Variants in ADGRV1 observed in about 807,000 individuals in gnomAD.
ADGRV1 encodes G-protein coupled receptor 98.
In ADGRV1, 359 loss-of-function variants were observed where a neutral mutation model predicts 596.2. That is an observed-to-expected ratio of 0.60 (90% confidence interval 0.55 to 0.66). ADGRV1 has a LOEUF of 0.66. ADGRV1 is among the 30% of genes least tolerant of loss of function. ADGRV1 has a pLI of 0.00. For missense variants in ADGRV1, 7,274 were observed against 7,575.6 expected, an observed-to-expected ratio of 0.96 and a Z score of 1.48; for synonymous variants, 2,681 against 2,679.2, an observed-to-expected ratio of 1.00 and a Z score of -0.02.
chr5:90,793,059 T>C (rs1760256725), intron 70 of ADGRV1: 1 of 152,240 alleles, frequency 6.6e-6, no homozygotes, highest in Non-Finnish European at 1.5e-5. Context: ...ATCAACATTA[T>C]ATGAAACAGC....
intron 83 of ADGRV1, among the ~76,000 whole-genome samples, chr5:90,948,033 C>T (rs903802162): frequency 2.0e-5 from 3 of 151,992 alleles, no homozygotes; most frequent in Admixed American, 6.6e-5. Context: ...TACAAAGGTG[C>T]TTGAGCAGAA....
chr5:90,633,902 A>G (rs1765816408), intron 9 of ADGRV1, among the ~76,000 whole-genome samples: 1 of 152,136 alleles, frequency 6.6e-6, no homozygotes, highest in African/African-American at 2.4e-5. Context: ...AAAGACATTT[A>G]CTTTTACTAT....
At chr5:90,830,940 A>G (rs1764468061) in intron 77 of ADGRV1, among the ~76,000 whole-genome samples, 1 of 152,094 alleles carries the variant, frequency 6.6e-6, no homozygotes, top group African/African-American at 2.4e-5. Flanking sequence ...TTTAAGTAAG[A>G]GAGAATTTTT....
At chr5:90,908,103 C>T (rs938979855) in intron 83 of ADGRV1, among the ~76,000 whole-genome samples, 8 of 152,092 alleles carry the variant, frequency 5.3e-5, no homozygotes, top group Non-Finnish European at 8.8e-5. Context: ...TGCCCACCTC[C>T]GCCTCCCAAA....
At chr5:90,688,240 C>T (rs969303892) in intron 29 of ADGRV1, among the ~76,000 whole-genome samples, 3 of 152,064 alleles carry the variant, frequency 2.0e-5, no homozygotes, top group African/African-American at 4.8e-5. Flanking sequence ...GAAATAACGC[C>T]GCATATCTAC....
At chr5:91,030,994 A>G (rs1784439176) in intron 85 of ADGRV1, 9 of 1,408,742 alleles carry the variant, frequency 6.4e-6, no homozygotes, top group Middle Eastern at 2.5e-4. Context: ...TTATATGTCA[A>G]TCAGTTGTAG....
chr5:91,111,409 A>G (rs1049286792), intron 87 of ADGRV1, among the ~76,000 whole-genome samples: 1 of 152,212 alleles, frequency 6.6e-6, no homozygotes, highest in African/African-American at 2.4e-5. Context: ...TTCTTTGCTC[A>G]TAGAAAATAT....
At chr5:91,008,587 T>C (rs1782475349) in intron 85 of ADGRV1, among the ~76,000 whole-genome samples, 1 of 152,088 alleles carries the variant, frequency 6.6e-6, no homozygotes, top group African/African-American at 2.4e-5. Flanking sequence ...CACTGCAACC[T>C]CCACCTCCCA....
chr5:91,062,723 T>C (rs1368898726), intron 85 of ADGRV1, among the ~76,000 whole-genome samples: 1 of 152,084 alleles, frequency 6.6e-6, no homozygotes, highest in Non-Finnish European at 1.5e-5. Flanking sequence ...CAGCCCAGGC[T>C]TCTAAATATC....
chr5:90,619,848 G>C lies in ADGRV1; in HGVS notation c.453+667G>C, dbSNP rs1470113731. On this transcript the variant is annotated intron_variant, in intron 4 of 89. Coordinates refer to ENST00000405460, the MANE Select transcript of ADGRV1 (RefSeq NM_032119.4). ...TTCCCACCTATGAGTGAGAACATGC[G>C]GTGTTTGGTTTTTTGTCCTTGCGAT... 2.0e-5 allele frequency among the ~76,000 whole-genome samples: 3 copies of C among 150,002 alleles called. No homozygotes were observed. The East Asian group carries it at 5.9e-4, about 30-fold the overall frequency.
At chr5:90,974,549 G>T (rs903480375) in intron 84 of ADGRV1, among the ~76,000 whole-genome samples, 1 of 151,780 alleles carries the variant, frequency 6.6e-6, no homozygotes, top group Non-Finnish European at 1.5e-5. Flanking sequence ...AATACCACAC[G>T]TCTACAACCA....
At chr5:91,126,391 A>G (rs1474398485) in intron 87 of ADGRV1, among the ~76,000 whole-genome samples, 3 of 152,276 alleles carry the variant, frequency 2.0e-5, no homozygotes, top group Non-Finnish European at 4.4e-5. Context: ...TGAAAAGAAT[A>G]TAATTATTCA....
At chr5:91,102,156 CTG>C (rs1426246101) in intron 86 of ADGRV1, 61 bp from the exon 87 acceptor site, 4 of 1,482,418 alleles carry the variant, frequency 2.7e-6, no homozygotes, top group Non-Finnish European at 3.6e-6. Context: ...CCAAAAATAA[CTG>C]TGTATACATG....
intron 53 of ADGRV1, among the ~76,000 whole-genome samples, chr5:90,752,731 G>A (rs768727109): frequency 2.0e-5 from 3 of 152,130 alleles, no homozygotes; most frequent in Non-Finnish European, 4.4e-5. Context: ...ATCATTCTAT[G>A]ATAAATACAC....
At chr5:90,746,751 A>G (rs991104210) in intron 52 of ADGRV1, among the ~76,000 whole-genome samples, 1 of 152,188 alleles carries the variant, frequency 6.6e-6, no homozygotes, top group Admixed American at 6.5e-5. Context: ...ACATTTCCCA[A>G]AAGACTCTAG....
chr5:90,987,767 A>T, intron 85 of ADGRV1, among the ~76,000 whole-genome samples: 1 of 152,006 alleles, frequency 6.6e-6, no homozygotes, highest in South Asian at 2.1e-4. Flanking sequence ...TGGTTACTTC[A>T]TAGTATTTTG....
chr5:90,694,279 G>T lies in ADGRV1; in HGVS notation c.7523G>T (p.Arg2508Met), dbSNP rs1019937283. Reference protein sequence around the residue: ...VAGSDYEPVTRQWAIMQEGDE... With the variant: ...VAGSDYEPVTMQWAIMQEGDE... ...GGGAGTGACTATGAGCCTGTGACAAGGCAATGGGCCATAATGCAGGAAGGT... is the reference window on the plus strand; with the variant it reads ...GGGAGTGACTATGAGCCTGTGACAATGCAATGGGCCATAATGCAGGAAGGT... The change falls in exon 33 of 90, where the codon AGG (arginine) becomes ATG (methionine). Residue 2508 changes from arginine to methionine, a missense_variant. Arg to Met is a moderately conservative substitution (Grantham distance 91, BLOSUM62 -1). Coordinates refer to ENST00000405460, the MANE Select transcript of ADGRV1 (RefSeq NM_032119.4). 3.7e-6 allele frequency: 6 copies of T among 1,613,966 alleles called. No individual in the cohort carries two copies. In the South Asian group the frequency reaches 6.6e-5, roughly 18 times the overall value.
intron 81 of ADGRV1, among the ~76,000 whole-genome samples, chr5:90,854,880 C>T (rs548936313): frequency 1.1e-4 from 16 of 152,252 alleles, no homozygotes; most frequent in African/African-American, 3.6e-4. Context: ...AGTTTGGTAA[C>T]CAACTTTCCT....
At chr5:91,098,669 A>G (rs1318750148) in intron 86 of ADGRV1, among the ~76,000 whole-genome samples, 1 of 152,102 alleles carries the variant, frequency 6.6e-6, no homozygotes, top group Non-Finnish European at 1.5e-5. Context: ...AAACTACTAT[A>G]CTTTTCTGCA....
Sources: gnomAD v4.1 joint callset for allele counts (sites outside exome capture counted in the v4.1 genomes callset) on GRCh38, gnomAD v4.1.1 for gene constraint, MANE v1.5 for transcripts, NCBI Gene and HGNC (gene_info 2026-07-23, HGNC 2026-07-21) for gene names.